Variants in OGFOD3 observed in about 807,000 individuals in gnomAD.
OGFOD3 encodes the protein 2-oxoglutarate and iron-dependent oxygenase domain-containing protein 3.
OGFOD3 carries 35 observed loss-of-function variants against 39.8 expected under a neutral mutation model. The observed-to-expected ratio is 0.88, with a 90% confidence interval of 0.67 to 1.17. The LOEUF (loss-of-function observed/expected upper bound fraction) is 1.17, where lower values mean the gene tolerates loss of function less well. OGFOD3 is among the 50% of genes most tolerant of loss of function. The pLI is 0.00. For synonymous variants in OGFOD3, 200 were observed against 192.0 expected, an observed-to-expected ratio of 1.04 and a Z score of -0.34; for missense variants, 438 against 454.5, an observed-to-expected ratio of 0.96 and a Z score of 0.33.
In OGFOD3 at chr17:82,418,400, C is replaced by T; in HGVS notation, c.74+12G>A. 4 of 1,475,552 alleles carry T rather than the reference C, an allele frequency of 2.7e-6. No homozygotes were observed. Among genetic ancestry groups the T allele is most frequent in the Non-Finnish European group, 3.6e-6 (4 of 1,117,816 alleles). The allele number at this position is 1,475,552 out of a possible 1,614,324, so 91.4% of individuals were successfully genotyped here. On this transcript the variant is annotated intron_variant, in intron 1 of 8. Transcript: ENST00000313056. ...CCGCCGCAGCGCGCGCCCTTCCCCT[C>T]CTCACCGCTACCTGCTCCGGTTCCG... is the stretch of plus-strand genomic sequence containing the variant.
intron 8 of OGFOD3, chr17:82,394,423 T>C (rs750554313): frequency 9.3e-6 from 15 of 1,613,156 alleles, no homozygotes; most frequent in Non-Finnish European, 1.3e-5. Flanking sequence ...CTCTCCCCTC[T>C]CGGGCGGGTG....
intron 4 of OGFOD3, among the ~76,000 whole-genome samples, chr17:82,407,628 G>A (rs2052876164): frequency 6.6e-6 from 1 of 152,214 alleles, no homozygotes; most frequent in Non-Finnish European, 1.5e-5. Context: ...CCCCAGAGGA[G>A]CCCCACTGCT....
intron 7 of OGFOD3, among the ~76,000 whole-genome samples, chr17:82,399,387 A>G (rs1480777134): frequency 6.6e-6 from 1 of 152,216 alleles, no homozygotes; most frequent in East Asian, 1.9e-4. Flanking sequence ...TGGGAACCAG[A>G]GGCAGCGGTG....
At chr17:82,403,802 C>G in intron 7 of OGFOD3, 135 bp downstream of exon 7, 2 of 1,216,774 alleles carry the variant, frequency 1.6e-6, no homozygotes, top group East Asian at 2.6e-5. Context: ...TGCCCACGTA[C>G]GCACTCACCC....
intron 1 of OGFOD3, among the ~76,000 whole-genome samples, chr17:82,416,617 G>C (rs1169162599): frequency 1.3e-5 from 2 of 152,070 alleles, no homozygotes; most frequent in African/African-American, 2.4e-5. Context: ...AACTTGAATA[G>C]AGACTCATTT....
At position 82,389,738 on chromosome 17, in the gene OGFOD3, C is replaced by G. The variant is rs2052579898; in HGVS notation, c.*2660G>C. On this transcript the variant is annotated 3_prime_UTR_variant, in exon 9 of 9. Coordinates refer to ENST00000313056, the MANE Select transcript of OGFOD3 (RefSeq NM_024648.3). This position sits in a 1 kb window ranked among gnomAD's most constrained non-coding sequence, Gnocchi z 4.6. ...CAGATGGGTCTCCAACTCCTGGGCT[C>G]AAGTGATCTTCCTACCTTGGCCTCC... 1 of 152,244 alleles carries G rather than the reference C, an allele frequency of 6.6e-6. No homozygotes were observed. Among genetic ancestry groups the G allele is most frequent in the South Asian group, 2.1e-4 (1 of 4,834 alleles). 9.4% of individuals were successfully genotyped at this position (152,244 alleles called of 1,614,324 possible).
At position 82,392,049 on chromosome 17, in the gene OGFOD3, G is replaced by C. The variant is rs1441932134; in HGVS notation, c.*349C>G. 2 of 293,642 alleles carry C rather than the reference G, an allele frequency of 6.8e-6. No homozygotes were observed. Among genetic ancestry groups the C allele is most frequent in the African/African-American group, 4.5e-5 (2 of 44,278 alleles). 18.2% of individuals were successfully genotyped at this position (293,642 alleles called of 1,614,324 possible). A position where few individuals can be genotyped will look rare whatever the true frequency, so the allele number is the denominator to read the frequency against. ...TGATGCTTTAGCCAGTCTTTGATGGGCCGGGGGGTTGCTGAACCTGGACGA... is the reference window on the plus strand; with the variant it reads ...TGATGCTTTAGCCAGTCTTTGATGGCCCGGGGGGTTGCTGAACCTGGACGA... On this transcript the variant is annotated 3_prime_UTR_variant, in exon 9 of 9. Coordinates refer to ENST00000313056, the MANE Select transcript of OGFOD3 (RefSeq NM_024648.3). The surrounding 1 kb of genome is among the most constrained non-coding windows in gnomAD (Gnocchi z 4.2).
chr17:82,414,456 C>T (rs1340131061), intron 2 of OGFOD3, among the ~76,000 whole-genome samples: 4 of 152,054 alleles, frequency 2.6e-5, no homozygotes, highest in African/African-American at 9.7e-5. Flanking sequence ...TTTTTAATGT[C>T]GATAAATTAT....
rs1322620814 is a variant in OGFOD3 at position 82,418,386 on chromosome 17, C to G, written c.74+26G>C. 4 of 1,458,078 alleles carry G rather than the reference C, an allele frequency of 2.7e-6. No homozygotes were observed. The African/African-American group carries it at 4.4e-5, about 16-fold the overall frequency. 90.3% of individuals were successfully genotyped at this position (1,458,078 alleles called of 1,614,324 possible). A position where few individuals can be genotyped will look rare whatever the true frequency, so the allele number is the denominator to read the frequency against. ...CATGGCCCTGTCCGCCGCCGCAGCGCGCGCCCTTCCCCTCCTCACCGCTAC... is the reference window on the plus strand; with the variant it reads ...CATGGCCCTGTCCGCCGCCGCAGCGGGCGCCCTTCCCCTCCTCACCGCTAC... On this transcript the variant is annotated intron_variant, in intron 1 of 8. Coordinates refer to ENST00000313056, the MANE Select transcript of OGFOD3 (RefSeq NM_024648.3).
rs185846081 is a variant in OGFOD3 at position 82,391,768 on chromosome 17, A to G, written c.*630T>C. On this transcript the variant is annotated 3_prime_UTR_variant, in exon 9 of 9. Transcript: ENST00000313056. The surrounding 1 kb of genome is among the most constrained non-coding windows in gnomAD (Gnocchi z 5.1). ...GGCCCTTGGGATGCTGGCCGCTGAC[A>G]GGGCCAAGCCTGGTGTGGTGGGGCC... 5.2e-3 allele frequency: 799 copies of G among 152,692 alleles called. 3 individuals are homozygous for G. The highest frequency in any genetic ancestry group is 0.017 in the Middle Eastern group (5 of 294). 9.5% of individuals were successfully genotyped at this position (152,692 alleles called of 1,614,324 possible). A position where few individuals can be genotyped will look rare whatever the true frequency, so the allele number is the denominator to read the frequency against.
chr17:82,407,200 G>A (rs1242788161), intron 4 of OGFOD3, among the ~76,000 whole-genome samples: 2 of 151,920 alleles, frequency 1.3e-5, no homozygotes, highest in African/African-American at 2.4e-5. Context: ...GGGAGGCGGA[G>A]GTTGCAGCGA....
At chr17:82,395,737 C>T (rs937701879) in intron 8 of OGFOD3, among the ~76,000 whole-genome samples, 6 of 152,126 alleles carry the variant, frequency 3.9e-5, no homozygotes, top group Non-Finnish European at 5.9e-5. Flanking sequence ...AGGAGAATGG[C>T]GTGAATCCGG....
At position 82,415,640 on chromosome 17, in the gene OGFOD3, A is replaced by C. The variant is rs373472715; in HGVS notation, c.75-13T>G. 175 of 1,598,298 alleles carry C rather than the reference A, an allele frequency of 1.1e-4. No individual in the cohort carries two copies. Among genetic ancestry groups the C allele is most frequent in the Admixed American group, 3.9e-4 (23 of 58,472 alleles). On this transcript the variant is annotated splice_polypyrimidine_tract_variant and intron_variant, in intron 1 of 8. Coordinates refer to ENST00000313056, the MANE Select transcript of OGFOD3 (RefSeq NM_024648.3). The surrounding 1 kb of genome is among the most constrained non-coding windows in gnomAD (Gnocchi z 5.3). ...GTCCTTCTTGGTGCTGAGAACAGAA[A>C]ACAGGCCACGTCACCCAAACACGGA... is the stretch of plus-strand genomic sequence containing the variant.
chr17:82,418,311 C>T (rs865956857), intron 1 of OGFOD3, 101 bp downstream of exon 1: 1,993 of 184,152 alleles, frequency 0.011, 51 homozygotes, highest in African/African-American at 0.046. Flanking sequence ...CCCACCCCCC[C>T]ACCCGGGTCG....
At chr17:82,411,895 AGAAAACCCTCCTGAGACCGCCAGAGAG>A (rs1209478005) in intron 2 of OGFOD3, among the ~76,000 whole-genome samples, 4 of 152,156 alleles carry the variant, frequency 2.6e-5, no homozygotes, top group Non-Finnish European at 5.9e-5. Flanking sequence ...CCACCAGAGC[AGAAAACCCTCCTGAGACCGCCAGAGAG>A]GAAAACCCTC....
intron 7 of OGFOD3, chr17:82,401,234 C>G (rs1385433678): frequency 6.6e-6 from 1 of 151,274 alleles, no homozygotes. Flanking sequence ...ACCTCCACCT[C>G]CTGGGTTCAT....
chr17:82,415,401 C>T lies in OGFOD3; in HGVS notation c.301G>A (p.Glu101Lys). 6.2e-7 allele frequency: 1 copy of T among 1,612,146 alleles called. No homozygotes were observed. Among genetic ancestry groups the T allele is most frequent in the Non-Finnish European group, 8.5e-7 (1 of 1,178,534 alleles). The change falls in exon 2 of 9, where the codon GAA becomes AAA. Residue 101 changes from glutamate to lysine, a missense_variant. By Grantham distance (56) the Glu-to-Lys change is moderately conservative. Transcript: ENST00000313056. This position sits in a 1 kb window ranked among gnomAD's most constrained non-coding sequence, Gnocchi z 5.3. The stretch of plus-strand genomic sequence containing the variant: ...AAGTGTTGCTTTCCTGAACTACCTT[C>T]GAACCTGCGGTGACTGTCGTAGTCC... ...SEDYDSHRRF[E>K]GCTPRKCGRG...
chr17:82,410,303 G>A (rs576917764), intron 3 of OGFOD3, among the ~76,000 whole-genome samples: 1 of 152,360 alleles, frequency 6.6e-6, no homozygotes, highest in Admixed American at 6.5e-5. Context: ...AGGCTCCCTG[G>A]GGAGAATCTC....
At position 82,404,741 on chromosome 17, in the gene OGFOD3, C is replaced by CTT. The variant is rs869251737; in HGVS notation, c.545+581_545+582dup. On this transcript the variant is annotated intron_variant, in intron 6 of 8. Coordinates refer to ENST00000313056, the MANE Select transcript of OGFOD3 (RefSeq NM_024648.3). This position sits in a 1 kb window ranked among gnomAD's most constrained non-coding sequence, Gnocchi z 4.5. The stretch of plus-strand genomic sequence containing the variant: ...CCAGCAGAATTTTTTCTTTTCTTTT[C>CTT]TTTTTTTTTTTTTTTTTTGAGATGA... Among the ~76,000 whole-genome samples the CTT allele has an allele frequency of 2.8e-4, 37 of 133,154 alleles. No homozygotes were observed. Among genetic ancestry groups the CTT allele is most frequent in the African/African-American group, 7.9e-4 (28 of 35,432 alleles). The allele number at this position is 133,154 out of a possible 152,430, so 87.4% of individuals were successfully genotyped here.
Sources: gnomAD v4.1 joint callset for allele counts (sites outside exome capture counted in the v4.1 genomes callset) on GRCh38, gnomAD v4.1.1 for gene constraint, Gnocchi (gnomAD v3.1) non-coding constraint, MANE v1.5 for transcripts, NCBI Gene and HGNC (gene_info 2026-07-23, HGNC 2026-07-21) for gene names.